BNC2: variants seen among roughly 807,000 people sequenced by gnomAD.
The protein encoded by BNC2 is basonuclin zinc finger protein 2, also known as zinc finger protein basonuclin-2.
A neutral mutation model predicts 76.3 loss-of-function variants in BNC2; 20 were observed. That is an observed-to-expected ratio of 0.26 (90% CI 0.18 to 0.38). The LOEUF (loss-of-function observed/expected upper bound fraction) is 0.38, where lower values mean the gene tolerates loss of function less well. Ranked by LOEUF, BNC2 falls within the 10% of genes least tolerant of loss-of-function variation. BNC2 has a pLI of 1.00. For synonymous variants in BNC2, 582 were observed against 514.8 expected (o/e 1.13, Z -1.77); for missense variants, 1,382 against 1,399.8 (o/e 0.99, Z 0.20).
At chr9:16,581,255 C>T (rs1186564039) in intron 4 of BNC2, among the ~76,000 whole-genome samples, 2 of 152,096 alleles carry the variant, frequency 1.3e-5, no homozygotes, top group African/African-American at 4.8e-5. Flanking sequence ...TAGAGGAAAT[C>T]TGGATGCACA....
intron 3 of BNC2, among the ~76,000 whole-genome samples, chr9:16,668,917 A>C (rs1480974068): frequency 6.6e-6 from 1 of 152,190 alleles, no homozygotes; most frequent in East Asian, 1.9e-4. Flanking sequence ...CATGAGATGC[A>C]AAGGAGATGA....
At chr9:16,822,314 A>C (rs148313996) in intron 1 of BNC2, among the ~76,000 whole-genome samples, 5 of 152,246 alleles carry the variant, frequency 3.3e-5, no homozygotes, top group African/African-American at 1.2e-4. Flanking sequence ...CTATTACCCT[A>C]ATACATACCT....
At chr9:16,634,780 C>T (rs1435121356) in intron 3 of BNC2, among the ~76,000 whole-genome samples, 1 of 152,260 alleles carries the variant, frequency 6.6e-6, no homozygotes, top group Non-Finnish European at 1.5e-5. Context: ...GGATTACAGG[C>T]GTGAACAACC....
intron 5 of BNC2, among the ~76,000 whole-genome samples, chr9:16,520,182 T>C (rs1299008033): frequency 6.6e-6 from 1 of 152,158 alleles, no homozygotes; most frequent in African/African-American, 2.4e-5. Flanking sequence ...GATGGGACTC[T>C]CAGGCAAGAG....
At chr9:16,618,312 T>C (rs949135800) in intron 3 of BNC2, among the ~76,000 whole-genome samples, 2 of 152,222 alleles carry the variant, frequency 1.3e-5, no homozygotes, top group African/African-American at 4.8e-5. Flanking sequence ...TCTAGAGCTA[T>C]TCTACGTAGA....
chr9:16,770,927 T>A (rs1825816910), intron 1 of BNC2, among the ~76,000 whole-genome samples: 1 of 151,928 alleles, frequency 6.6e-6, no homozygotes, highest in African/African-American at 2.4e-5. Flanking sequence ...TCCCAGCAGT[T>A]TGGGAGTCCG....
intron 1 of BNC2, among the ~76,000 whole-genome samples, chr9:16,795,692 G>C (rs936046535): frequency 1.3e-5 from 2 of 152,114 alleles, no homozygotes; most frequent in Admixed American, 6.5e-5. Context: ...TTTGAAGTAA[G>C]ACACTTCATG....
At chr9:16,855,717 T>C (rs923982225) in intron 1 of BNC2, among the ~76,000 whole-genome samples, 68 of 151,690 alleles carry the variant, frequency 4.5e-4, no homozygotes, top group African/African-American at 1.5e-3. Flanking sequence ...TCTTGTATTT[T>C]TTTTTTTTTT....
At chr9:16,532,916 G>A (rs185907281) in intron 5 of BNC2, among the ~76,000 whole-genome samples, 2 of 152,288 alleles carry the variant, frequency 1.3e-5, no homozygotes, top group Admixed American at 1.3e-4. Context: ...GCAAACACTT[G>A]CAAATCAGGG....
At chr9:16,691,103 T>C (rs1823146397) in intron 3 of BNC2, among the ~76,000 whole-genome samples, 1 of 152,214 alleles carries the variant, frequency 6.6e-6, no homozygotes, top group South Asian at 2.1e-4. Flanking sequence ...TAAAAATCTC[T>C]CTTCCCTGGT....
At chr9:16,585,326 G>A (rs983365209) in intron 3 of BNC2, among the ~76,000 whole-genome samples, 82 of 151,818 alleles carry the variant, frequency 5.4e-4, no homozygotes, top group African/African-American at 1.8e-3. Context: ...TGGTACATTC[G>A]GGAATTCAAC....
chr9:16,437,615 G>C (rs900837076), intron 5 of BNC2, 91 bp from the exon 6 acceptor site: 2 of 1,448,038 alleles, frequency 1.4e-6, no homozygotes, highest in African/African-American at 2.8e-5. Flanking sequence ...TGCTCTGTGT[G>C]CTCATAAAAC....
In BNC2 at chr9:16,747,579, C is replaced by T. The variant is rs559378872; in HGVS notation, c.4-9094G>A. 7.9e-5 allele frequency among the ~76,000 whole-genome samples: 12 copies of T among 152,160 alleles called. No individual in the cohort carries two copies. The South Asian group carries it at 1.9e-3, about 24-fold the overall frequency. On this transcript the variant is annotated intron_variant, in intron 1 of 6. Transcript: ENST00000380672. ...AGCTAAGAGAGTTTAGTCACTTGGC[C>T]GAAGTCTTATATTAAGGGTCAAACT...
intron 3 of BNC2, among the ~76,000 whole-genome samples, chr9:16,678,267 C>CTTTTTTTTTTTTTTTTTTTTTT (rs140809930): frequency 3.7e-5 from 3 of 80,718 alleles, no homozygotes; most frequent in African/African-American, 5.7e-5. Flanking sequence ...CTTTCTTTTT[C>CTTTTTTTTTTTTTTTTTTTTTT]TTTTTTTTTT....
At chr9:16,798,228 CA>C (rs1382197797) in intron 1 of BNC2, among the ~76,000 whole-genome samples, 3 of 152,168 alleles carry the variant, frequency 2.0e-5, no homozygotes, top group Non-Finnish European at 4.4e-5. Flanking sequence ...CAGCCTCTCA[CA>C]AAAATAAGAT....
At chr9:16,805,090 G>C (rs1220784386) in intron 1 of BNC2, among the ~76,000 whole-genome samples, 1 of 152,032 alleles carries the variant, frequency 6.6e-6, no homozygotes, top group Non-Finnish European at 1.5e-5. Flanking sequence ...GTGGGGATCT[G>C]TTTGGTAGGT....
At chr9:16,500,600 T>C (rs939904865) in intron 5 of BNC2, among the ~76,000 whole-genome samples, 1 of 152,324 alleles carries the variant, frequency 6.6e-6, no homozygotes, top group Non-Finnish European at 1.5e-5. Flanking sequence ...AATGCAAGTC[T>C]GAGTTATGCT....
chr9:16,554,784 A>T (rs1818772310), intron 4 of BNC2, among the ~76,000 whole-genome samples: 1 of 152,030 alleles, frequency 6.6e-6, no homozygotes, highest in Non-Finnish European at 1.5e-5. Flanking sequence ...GCTCTCCTCA[A>T]CCGTTTCAGA....
At chr9:16,617,515 G>A (rs577861883) in intron 3 of BNC2, among the ~76,000 whole-genome samples, 24 of 129,756 alleles carry the variant, frequency 1.8e-4, no homozygotes, top group African/African-American at 6.6e-4. Context: ...CAAATTTTAC[G>A]TACAGATGGA....
Sources: gnomAD v4.1 joint callset for allele counts (sites outside exome capture counted in the v4.1 genomes callset) on GRCh38, gnomAD v4.1.1 for gene constraint, MANE v1.5 for transcripts, NCBI Gene and HGNC (gene_info 2026-07-23, HGNC 2026-07-21) for gene names.